Variants in UBN2 observed in about 807,000 individuals in gnomAD.
UBN2 encodes the protein ubinuclein-2.
A neutral mutation model predicts 120.2 loss-of-function variants in UBN2; 35 were observed. That is an observed-to-expected ratio of 0.29 (90% CI 0.22 to 0.39). The LOEUF (loss-of-function observed/expected upper bound fraction) is 0.39. Among genes scored for constraint, UBN2 ranks in the 10% least tolerant of loss-of-function variants. UBN2 has a pLI of 1.00. For synonymous variants in UBN2, 661 were observed against 648.7 expected (o/e 1.02, Z -0.29); for missense variants, 1,693 against 1,663.2 (o/e 1.02, Z -0.31).
intron 3 of UBN2, among the ~76,000 whole-genome samples, chr7:139,254,286 C>G (rs1796700683): frequency 6.6e-6 from 1 of 151,958 alleles, no homozygotes. Context: ...GAGTGAGACT[C>G]CGTCTCAAAA....
At chr7:139,262,943 G>C (rs527872162) in intron 6 of UBN2, among the ~76,000 whole-genome samples, 2 of 152,084 alleles carry the variant, frequency 1.3e-5, no homozygotes, top group African/African-American at 4.8e-5. Context: ...ATTCATAATA[G>C]CTATCGTTTA....
intron 2 of UBN2, among the ~76,000 whole-genome samples, chr7:139,248,242 G>C (rs1046593791): frequency 6.6e-6 from 1 of 152,080 alleles, no homozygotes; most frequent in Non-Finnish European, 1.5e-5. Context: ...AATTATTTTA[G>C]CATATTTCTA....
Position 139,231,892 on chromosome 7 carries a change from C to A in UBN2, c.408C>A (p.Pro136=). 1 of 1,586,776 alleles carries A rather than the reference C, an allele frequency of 6.3e-7. No homozygotes were observed. The highest frequency in any genetic ancestry group is 8.5e-7 in the Non-Finnish European group (1 of 1,172,260). The change falls in exon 1 of 18, where the codon CCC becomes CCA. Residue 136 remains proline (P), a synonymous_variant. Transcript: ENST00000473989. ...GCCTGGAGCTGGTGCTTAAGGACCC[C>A]ACCGACGAGAGCTGCGTGGAGTTCA... is the stretch of plus-strand genomic sequence containing the variant. The part of the protein sequence containing the change: ...TVRLELVLKD[P]TDESCVEFSY...
At chr7:139,321,802 C>G in the UBN2 span, among the ~76,000 whole-genome samples, 1 of 152,108 alleles carries the variant, frequency 6.6e-6, no homozygotes, top group Non-Finnish European at 1.5e-5. Flanking sequence ...CCTGCTTCCC[C>G]AGGACAGCAG....
chr7:139,266,338 C>A lies in UBN2; in HGVS notation c.1401C>A (p.Ala467=). The A allele has an allele frequency of 6.3e-7, 1 of 1,578,460 alleles. No homozygotes were observed. The highest frequency in any genetic ancestry group is 1.1e-5 in the South Asian group (1 of 87,442). The change falls in exon 7 of 18, where the codon GCC becomes GCA. Residue 467 remains alanine (A), a synonymous_variant. Transcript: ENST00000473989. Reference sequence around the variant, plus strand: ...CATCTTTCTTGTTTCTTTAGGCTGCCAAACTTTTTGATGAAGAAGGAAGGA... The same window carrying A: ...CATCTTTCTTGTTTCTTTAGGCTGCAAAACTTTTTGATGAAGAAGGAAGGA... ...EKRIEDLRVA[A]KLFDEEGRKK... is the part of the protein sequence containing the mutation.
chr7:139,262,729 AC>A (rs1380289163), intron 6 of UBN2, among the ~76,000 whole-genome samples: 19 of 151,376 alleles, frequency 1.3e-4, no homozygotes, highest in African/African-American at 4.6e-4. Context: ...AAAAAAAAAA[AC>A]CCAAATAAAT....
Position 139,283,411 on chromosome 7 carries a change from C to G in UBN2, c.2506C>G (p.His836Asp), listed in dbSNP as rs1378406682. 1 of 1,614,068 alleles carries G rather than the reference C, an allele frequency of 6.2e-7. No homozygotes were observed. Among genetic ancestry groups the G allele is most frequent in the East Asian group, 2.2e-5 (1 of 44,884 alleles). ...TTHSSSLIAGHTGPVPKKPQD... is the reference protein window; with the variant it reads ...TTHSSSLIAGDTGPVPKKPQD... ...ACATTCTTCAAGTCTTATTGCTGGTCACACAGGGCCAGTACCAAAGAAACC... is the reference window on the plus strand; with the variant it reads ...ACATTCTTCAAGTCTTATTGCTGGTGACACAGGGCCAGTACCAAAGAAACC... Residue 836 changes from histidine to aspartate, a missense_variant, in exon 15 of 18, where the codon CAC becomes GAC. Coordinates refer to ENST00000473989, the MANE Select transcript of UBN2 (RefSeq NM_173569.4).
intron 3 of UBN2, among the ~76,000 whole-genome samples, chr7:139,255,541 G>C (rs1038972484): frequency 6.6e-6 from 1 of 152,114 alleles, no homozygotes; most frequent in Non-Finnish European, 1.5e-5. Flanking sequence ...AACAAGGTAG[G>C]TTCCTGTTTT....
intron 12 of UBN2, among the ~76,000 whole-genome samples, chr7:139,278,831 T>C (rs1282642667): frequency 2.0e-5 from 3 of 152,138 alleles, no homozygotes; most frequent in African/African-American, 7.2e-5. Flanking sequence ...CTTCAAACTT[T>C]TTCTTAGTTT....
chr7:139,281,935 G>A, intron 13 of UBN2, 70 bp from the exon 14 acceptor site: 1 of 1,484,782 alleles, frequency 6.7e-7, no homozygotes, highest in Admixed American at 1.7e-5. Context: ...TAGAGTAAAA[G>A]CTTAGAAAAA....
At chr7:139,290,343 T>C (rs772665719) in intron 15 of UBN2, among the ~76,000 whole-genome samples, 8 of 152,228 alleles carry the variant, frequency 5.3e-5, no homozygotes, top group Non-Finnish European at 1.0e-4. Context: ...ATTTTATATA[T>C]TGTGGTTGGC....
intron 5 of UBN2, among the ~76,000 whole-genome samples, chr7:139,259,978 A>G (rs111314905): frequency 6.6e-5 from 10 of 152,310 alleles, no homozygotes; most frequent in African/African-American, 2.4e-4. Flanking sequence ...CATGTTGGCC[A>G]GGCTGGTCTC....
At chr7:139,246,144 C>A (rs1435225475) in intron 2 of UBN2, among the ~76,000 whole-genome samples, 1 of 152,170 alleles carries the variant, frequency 6.6e-6, no homozygotes, top group African/African-American at 2.4e-5. Flanking sequence ...GCGAGCAGAT[C>A]ACCTGAGGTC....
intron 2 of UBN2, among the ~76,000 whole-genome samples, chr7:139,251,383 T>G (rs1796620802): frequency 6.6e-6 from 1 of 152,166 alleles, no homozygotes; most frequent in South Asian, 2.1e-4. Context: ...ACATTTTATT[T>G]GGATTTTACT....
the UBN2 span, among the ~76,000 whole-genome samples, chr7:139,322,272 C>T: frequency 7.9e-5 from 12 of 152,026 alleles, no homozygotes; most frequent in Non-Finnish European, 1.6e-4. Context: ...CCATGCACAG[C>T]GGAGACTATT....
chr7:139,281,518 A>ACATC (rs926562794), intron 13 of UBN2, among the ~76,000 whole-genome samples: 18 of 152,126 alleles, frequency 1.2e-4, no homozygotes, highest in African/African-American at 4.3e-4. Flanking sequence ...GTCCATCCAT[A>ACATC]CATCCATCCA....
At chr7:139,291,183 A>C (rs527661423) in intron 15 of UBN2, among the ~76,000 whole-genome samples, 61 of 151,898 alleles carry the variant, frequency 4.0e-4, no homozygotes, top group African/African-American at 1.4e-3. Flanking sequence ...CAACATGGTG[A>C]AACCCCGTCT....
chr7:139,248,513 A>G (rs1796532810), intron 2 of UBN2, among the ~76,000 whole-genome samples: 1 of 152,068 alleles, frequency 6.6e-6, no homozygotes. Context: ...TCTTACTTTA[A>G]TCTCATTTAT....
rs924988116 is a variant in UBN2 at position 139,231,637 on chromosome 7, G to T, written c.153G>T (p.Pro51=). 26 of 1,229,144 alleles carry T rather than the reference G, an allele frequency of 2.1e-5. No individual in the cohort carries two copies. Among genetic ancestry groups the T allele is most frequent in the Non-Finnish European group, 2.6e-5 (26 of 987,704 alleles). The allele number at this position is 1,229,144 out of a possible 1,614,324, so 76.1% of individuals were successfully genotyped here. ...ACCGCGAGCCGGCCCGGGCGGAGCC[G>T]CCGGCCCCGCGGGAGCCTGCCCCCC... ...QPYREPARAE[P]PAPREPAPRS... The change falls in exon 1 of 18, where the codon CCG becomes CCT. Residue 51 remains proline, a synonymous_variant. Coordinates refer to ENST00000473989, the MANE Select transcript of UBN2 (RefSeq NM_173569.4).
Sources: gnomAD v4.1 joint callset for allele counts (sites outside exome capture counted in the v4.1 genomes callset) on GRCh38, gnomAD v4.1.1 for gene constraint, MANE v1.5 for transcripts, NCBI Gene and HGNC (gene_info 2026-07-23, HGNC 2026-07-21) for gene names.